Variants in SLC39A10 observed in about 807,000 individuals in gnomAD.
SLC39A10 encodes zinc transporter ZIP10.
In SLC39A10, 13 loss-of-function variants were observed where a neutral mutation model predicts 65.1. The ratio of observed to expected loss-of-function variants is 0.20; its 90% CI spans 0.13 to 0.32. The LOEUF (loss-of-function observed/expected upper bound fraction) is 0.32. Ranked by LOEUF, SLC39A10 falls within the 10% of genes least tolerant of loss-of-function variation. SLC39A10 has a pLI of 1.00. For missense variants in SLC39A10, 831 were observed against 1,018.4 expected (o/e 0.82, Z 2.50); for synonymous variants, 321 against 342.2 (o/e 0.94, Z 0.68).
chr2:195,702,265 C>T (rs1013824063), intron 3 of SLC39A10, among the ~76,000 whole-genome samples: 1 of 152,114 alleles, frequency 6.6e-6, no homozygotes, highest in Non-Finnish European at 1.5e-5. Flanking sequence ...AGTACAGATC[C>T]TCAATATTTG....
rs1256101607 is a variant in SLC39A10 at position 195,719,775 on chromosome 2, C to T, written c.2146+1443C>T. Among the ~76,000 whole-genome samples the T allele has an allele frequency of 1.1e-4, 16 of 151,388 alleles. 1 individual carries two copies. The highest frequency in any genetic ancestry group is 2.1e-4 in the South Asian group (1 of 4,778). ...CTGGGACTACAGGCATGGGCCACTA[C>T]GCCTGGCTAATTTTTGTTTTTTTTT... On this transcript the variant is annotated intron_variant, in intron 8 of 9. Coordinates refer to ENST00000359634, the MANE Select transcript of SLC39A10 (RefSeq NM_020342.3).
chr2:195,625,993 A>G (rs1379356157), intron 2 of SLC39A10, among the ~76,000 whole-genome samples: 1 of 152,172 alleles, frequency 6.6e-6, no homozygotes, highest in Admixed American at 6.5e-5. Context: ...CACATTGCCC[A>G]TGCTGGTCTC....
chr2:195,622,732 G>T (rs1559005249), intron 2 of SLC39A10, among the ~76,000 whole-genome samples: 3 of 152,192 alleles, frequency 2.0e-5, no homozygotes, highest in Admixed American at 2.0e-4. Flanking sequence ...CAGCACTTTG[G>T]GAGGCCAAAG....
intron 3 of SLC39A10, among the ~76,000 whole-genome samples, chr2:195,688,329 G>T (rs181892502): frequency 6.6e-6 from 1 of 151,784 alleles, no homozygotes; most frequent in Non-Finnish European, 1.5e-5. Flanking sequence ...TTTTTCCTAC[G>T]TGTAGGAAAT....
chr2:195,670,844 G>T (rs1689830085), intron 1 of SLC39A10, among the ~76,000 whole-genome samples: 1 of 152,138 alleles, frequency 6.6e-6, no homozygotes, highest in Non-Finnish European at 1.5e-5. Context: ...ATTAAGTATG[G>T]ATGTGTTTCT....
At chr2:195,627,647 T>C (rs2105693665) in intron 2 of SLC39A10, among the ~76,000 whole-genome samples, 1 of 152,344 alleles carries the variant, frequency 6.6e-6, no homozygotes, top group East Asian at 1.9e-4. Flanking sequence ...AATTTCTTTT[T>C]ATTAACCCAC....
At chr2:195,662,186 A>G (rs115903848) in intron 1 of SLC39A10, among the ~76,000 whole-genome samples, 2,554 of 152,086 alleles carry the variant, frequency 0.017, 70 homozygotes, top group African/African-American at 0.058. Context: ...TAGGTTTTAG[A>G]TTTTCATTGA....
At chr2:195,702,523 T>G (rs1157781763) in intron 3 of SLC39A10, among the ~76,000 whole-genome samples, 1 of 152,222 alleles carries the variant, frequency 6.6e-6, no homozygotes, top group Non-Finnish European at 1.5e-5. Context: ...TTTTGTCAGT[T>G]CATTTACAGT....
At chr2:195,694,444 C>T (rs984488809) in intron 3 of SLC39A10, among the ~76,000 whole-genome samples, 1 of 147,486 alleles carries the variant, frequency 6.8e-6, no homozygotes, top group African/African-American at 2.6e-5. Flanking sequence ...TTTTGTCCCA[C>T]TGGGTGCTCC....
chr2:195,652,578 A>T (rs950699383), upstream of SLC39A10, among the ~76,000 whole-genome samples: 47 of 151,648 alleles, frequency 3.1e-4, no homozygotes, highest in East Asian at 1.7e-3. Flanking sequence ...AGAAAATTTT[A>T]AAAAAAAGAT....
chr2:195,699,653 A>C (rs896545346), intron 3 of SLC39A10, among the ~76,000 whole-genome samples: 3 of 152,024 alleles, frequency 2.0e-5, no homozygotes, highest in Admixed American at 2.0e-4. Context: ...ACTTTGTATT[A>C]TATTTATATT....
At chr2:195,695,253 T>G (rs969152247) in intron 3 of SLC39A10, among the ~76,000 whole-genome samples, 4 of 152,070 alleles carry the variant, frequency 2.6e-5, no homozygotes, top group Admixed American at 1.3e-4. Flanking sequence ...GAGCTCAGAC[T>G]CTCCTTGGGT....
intron 5 of SLC39A10, among the ~76,000 whole-genome samples, chr2:195,711,291 T>C (rs2105817761): frequency 6.6e-6 from 1 of 152,328 alleles, no homozygotes; most frequent in African/African-American, 2.4e-5. Flanking sequence ...TTTTATAATT[T>C]GATCTTTTTA....
At chr2:195,732,230 A>G (rs1018112256) in intron 9 of SLC39A10, among the ~76,000 whole-genome samples, 12 of 152,180 alleles carry the variant, frequency 7.9e-5, no homozygotes, top group African/African-American at 2.2e-4. Flanking sequence ...ACATGATCAC[A>G]TTTTTGTTTC....
At chr2:195,621,909 G>A (rs1242167774) in intron 2 of SLC39A10, among the ~76,000 whole-genome samples, 1 of 151,904 alleles carries the variant, frequency 6.6e-6, no homozygotes, top group Non-Finnish European at 1.5e-5. Context: ...GTAAAGTAAG[G>A]CATATTTTGC....
chr2:195,627,717 G>A (rs1281361416), intron 2 of SLC39A10, among the ~76,000 whole-genome samples: 1 of 152,190 alleles, frequency 6.6e-6, no homozygotes, highest in Non-Finnish European at 1.5e-5. Flanking sequence ...AAACAAGACA[G>A]ATAAGTCTGA....
intron 3 of SLC39A10, among the ~76,000 whole-genome samples, chr2:195,687,101 C>T (rs1293520588): frequency 6.6e-6 from 1 of 152,002 alleles, no homozygotes; most frequent in African/African-American, 2.4e-5. Context: ...TAAATTTGTC[C>T]TCTTTCTTGA....
chr2:195,635,629 A>G, intron 2 of SLC39A10, among the ~76,000 whole-genome samples: 1 of 151,184 alleles, frequency 6.6e-6, no homozygotes, highest in South Asian at 2.1e-4. Context: ...AAAGTGCTTT[A>G]GTTATCTCAA....
intron 9 of SLC39A10, among the ~76,000 whole-genome samples, chr2:195,730,759 A>C (rs972015075): frequency 4.6e-5 from 7 of 152,178 alleles, no homozygotes; most frequent in Non-Finnish European, 8.8e-5. Flanking sequence ...TGCACTTGAC[A>C]TGTTCAGAAC....
Sources: gnomAD v4.1 joint callset for allele counts (sites outside exome capture counted in the v4.1 genomes callset) on GRCh38, gnomAD v4.1.1 for gene constraint, MANE v1.5 for transcripts, NCBI Gene and HGNC (gene_info 2026-07-23, HGNC 2026-07-21) for gene names.